Variants in SLCO5A1 observed in about 807,000 individuals in gnomAD.
SLCO5A1 encodes the protein organic anion transporter polypeptide-related protein 4.
SLCO5A1 carries 39 observed loss-of-function variants against 65.1 expected under a neutral mutation model. That is an observed-to-expected ratio of 0.60 (90% CI 0.46 to 0.78). The LOEUF is 0.78. Among genes scored for constraint, SLCO5A1 ranks in the 30% least tolerant of loss-of-function variants. The pLI, the probability that SLCO5A1 is intolerant of heterozygous loss-of-function variation, is 0.00. For synonymous variants in SLCO5A1, 438 were observed against 415.7 expected, an observed-to-expected ratio of 1.05 and a Z score of -0.65; for missense variants, 1,029 against 1,069.4, an observed-to-expected ratio of 0.96 and a Z score of 0.53.
rs932388886 is a variant in SLCO5A1, at chr8:69,820,741, G to GA, written c.907+11025dup. On this transcript the variant is annotated intron_variant, in intron 2 of 9. Coordinates refer to ENST00000260126, the MANE Select transcript of SLCO5A1 (RefSeq NM_030958.3). ...CCGTACAATATTTCTCATATTCAGA[G>GA]AAAAAAATCAAAAAGAGCAAAATAT... Among the ~76,000 whole-genome samples the GA allele has an allele frequency of 2.0e-5, 3 of 151,742 alleles. No individual in the cohort carries two copies. In the South Asian group the frequency reaches 6.3e-4, roughly 32 times the overall value.
rs142837321 is a variant in SLCO5A1 at position 69,742,883 on chromosome 8, C to G, written c.1259-4679G>C. Among the ~76,000 whole-genome samples the G allele has an allele frequency of 9.4e-3, 1,314 of 140,016 alleles. 20 individuals are homozygous for G. Among genetic ancestry groups the G allele is most frequent in the African/African-American group, 0.034 (1,235 of 36,752 alleles). The allele number at this position is 140,016 out of a possible 152,430, so 91.9% of individuals were successfully genotyped here. ...TGGCGTGATCTCAGCTGACTGTAAC[C>G]TCTGCCCCCAGGGTTCAAGTGATTC... On this transcript the variant is annotated intron_variant, in intron 4 of 9. Transcript: ENST00000260126.
At chr8:69,740,513 C>T (rs1816749525) in intron 4 of SLCO5A1, among the ~76,000 whole-genome samples, 1 of 152,206 alleles carries the variant, frequency 6.6e-6, no homozygotes, top group South Asian at 2.1e-4. Context: ...GGATGATAGA[C>T]TGTGTGTGTG....
intron 4 of SLCO5A1, among the ~76,000 whole-genome samples, chr8:69,742,540 T>TTA (rs1402069726): frequency 6.6e-6 from 1 of 152,020 alleles, no homozygotes; most frequent in Admixed American, 6.6e-5. Flanking sequence ...ATTCAAGAGG[T>TTA]TATAATTTAA....
chr8:69,771,813 T>G, intron 2 of SLCO5A1, among the ~76,000 whole-genome samples: 1 of 152,232 alleles, frequency 6.6e-6, no homozygotes, highest in East Asian at 1.9e-4. Flanking sequence ...CATGTTTGAT[T>G]AGCTGGAACC....
intron 2 of SLCO5A1, among the ~76,000 whole-genome samples, chr8:69,792,906 T>C (rs1370174218): frequency 6.6e-6 from 1 of 152,102 alleles, no homozygotes. Flanking sequence ...ATAGTAAATA[T>C]ACTGTTTTGG....
intron 5 of SLCO5A1, among the ~76,000 whole-genome samples, chr8:69,726,252 T>C (rs1483255211): frequency 2.0e-5 from 3 of 152,192 alleles, no homozygotes; most frequent in Non-Finnish European, 4.4e-5. Flanking sequence ...TAAAATTTCT[T>C]TTTTCCCACT....
intron 4 of SLCO5A1, among the ~76,000 whole-genome samples, chr8:69,746,467 G>C (rs1431039559): frequency 1.3e-5 from 2 of 152,156 alleles, no homozygotes; most frequent in Non-Finnish European, 2.9e-5. Flanking sequence ...CAGAGACCAA[G>C]AGTGAAGATG....
rs143717634 is a variant in SLCO5A1, at chr8:69,772,900, A to C, written c.908-11025T>G. ...CAAAACTGATGCATTTTCTTCCAGGAAAGACACATGTAAAACTCACCATGA... is the reference window on the plus strand; with the variant it reads ...CAAAACTGATGCATTTTCTTCCAGGCAAGACACATGTAAAACTCACCATGA... On this transcript the variant is annotated intron_variant, in intron 2 of 9. Transcript: ENST00000260126. The C allele has an allele frequency of 2.1e-5, 21 of 984,726 alleles. No homozygotes were observed. In the Admixed American group the frequency reaches 3.1e-4, roughly 14 times the overall value. 61.0% of individuals were successfully genotyped at this position (984,726 alleles called of 1,614,324 possible).
intron 5 of SLCO5A1, among the ~76,000 whole-genome samples, chr8:69,707,442 G>A (rs79208909): frequency 0.022 from 3,303 of 152,206 alleles, 53 homozygotes; most frequent in Non-Finnish European, 0.035. Context: ...ATGAAATAAC[G>A]AAATTGAGGA....
At position 69,705,082 on chromosome 8, in the gene SLCO5A1, A is replaced by T; in HGVS notation, c.1571T>A (p.Val524Asp). 6.2e-7 allele frequency: 1 copy of T among 1,614,078 alleles called. No individual in the cohort carries two copies. Among genetic ancestry groups the T allele is most frequent in the Non-Finnish European group, 8.5e-7 (1 of 1,180,042 alleles). Residue 524 changes from valine (V) to aspartate (D), a missense_variant, in exon 6 of 10, where the codon GTT (valine) becomes GAT (aspartate). Val to Asp is a radical substitution (Grantham distance 152). Around this residue, in one of 3 missense-constraint regions of SLCO5A1, gnomAD observed 124 missense variants for 184.5 expected, o/e 0.67. Coordinates refer to ENST00000260126, the MANE Select transcript of SLCO5A1 (RefSeq NM_030958.3). ...SLLCFSTLFIVGCESINLGGI... is the reference protein window; with the variant it reads ...SLLCFSTLFIDGCESINLGGI... ...CCCTAGATTAATGCTTTCACATCCA[A>T]CAATAAATAGGGTTGAAAAACATAG...
intron 2 of SLCO5A1, among the ~76,000 whole-genome samples, chr8:69,798,855 A>T (rs1362865268): frequency 2.6e-5 from 4 of 152,226 alleles, no homozygotes. Context: ...AATGCTATAC[A>T]TTGGCCATGG....
At chr8:69,747,032 C>T (rs557073629) in intron 4 of SLCO5A1, among the ~76,000 whole-genome samples, 10 of 152,148 alleles carry the variant, frequency 6.6e-5, no homozygotes, top group Non-Finnish European at 1.2e-4. Flanking sequence ...AGCCTGTGGA[C>T]ATTATTCAAA....
intron 5 of SLCO5A1, among the ~76,000 whole-genome samples, chr8:69,725,180 G>T (rs1816005239): frequency 6.6e-6 from 1 of 152,138 alleles, no homozygotes; most frequent in Admixed American, 6.5e-5. Flanking sequence ...AGGCTACACA[G>T]CTTGTAAGGG....
intron 2 of SLCO5A1, among the ~76,000 whole-genome samples, chr8:69,803,743 C>G (rs542995378): frequency 6.6e-6 from 1 of 152,150 alleles, no homozygotes; most frequent in African/African-American, 2.4e-5. Flanking sequence ...AATCCCAACA[C>G]TTTGGGAGGC....
intron 6 of SLCO5A1, among the ~76,000 whole-genome samples, chr8:69,691,052 C>G (rs1814238526): frequency 6.6e-6 from 1 of 152,104 alleles, no homozygotes; most frequent in Non-Finnish European, 1.5e-5. Flanking sequence ...GGCAATAACT[C>G]ACATTACACA....
chr8:69,803,144 A>C (rs1243877105), intron 2 of SLCO5A1, among the ~76,000 whole-genome samples: 2 of 152,134 alleles, frequency 1.3e-5, no homozygotes, highest in Non-Finnish European at 2.9e-5. Context: ...GGCCAGGCGC[A>C]GTAGCTCACA....
chr8:69,767,804 C>T (rs142171194), intron 2 of SLCO5A1, among the ~76,000 whole-genome samples: 2,696 of 143,144 alleles, frequency 0.019, 26 homozygotes, highest in Middle Eastern at 0.035. Flanking sequence ...GCAGGAGAAT[C>T]ACTTGAACCC....
intron 2 of SLCO5A1, among the ~76,000 whole-genome samples, chr8:69,793,077 G>A (rs1194962043): frequency 6.6e-6 from 1 of 152,056 alleles, no homozygotes; most frequent in Admixed American, 6.6e-5. Context: ...CGCCTCCTGG[G>A]TTCAAGCGAT....
intron 5 of SLCO5A1, among the ~76,000 whole-genome samples, chr8:69,717,003 C>G (rs181067112): frequency 6.6e-6 from 1 of 152,282 alleles, no homozygotes; most frequent in African/African-American, 2.4e-5. Context: ...TGCTCTCAAA[C>G]TCCTGGGCTC....
Sources: gnomAD v4.1 joint callset for allele counts (sites outside exome capture counted in the v4.1 genomes callset) on GRCh38, gnomAD v4.1.1 for gene constraint, gnomAD v4.1.1 regional missense constraint, MANE v1.5 for transcripts, NCBI Gene and HGNC (gene_info 2026-07-23, HGNC 2026-07-21) for gene names.